Variants in ARAP2 observed in about 807,000 individuals in gnomAD.
ARAP2 encodes the protein ArfGAP with RhoGAP domain, ankyrin repeat and PH domain 2, also known as arf-GAP with Rho-GAP domain, ANK repeat and PH domain-containing protein 2.
In ARAP2, 148 loss-of-function variants were observed where a neutral mutation model predicts 194.5. The observed-to-expected ratio is 0.76, with a 90% CI of 0.67 to 0.87. The LOEUF is 0.87. Ranked by LOEUF, ARAP2 falls within the 40% of genes least tolerant of loss-of-function variation. ARAP2 has a pLI of 0.00. For synonymous variants in ARAP2, 695 were observed against 683.5 expected (o/e 1.02, Z -0.26); for missense variants, 2,128 against 1,989.7 (o/e 1.07, Z -1.32).
chr4:36,174,763 T>C (rs537525211), intron 9 of ARAP2, among the ~76,000 whole-genome samples: 26 of 152,272 alleles, frequency 1.7e-4, no homozygotes, highest in Non-Finnish European at 3.8e-4. Context: ...CATTTAAACC[T>C]GAAGAGACTA....
downstream of ARAP2, chr4:36,065,267 T>G: frequency 2.3e-6 from 1 of 432,210 alleles, no homozygotes; most frequent in Non-Finnish European, 4.8e-6. Flanking sequence ...CAGGCCTTGT[T>G]GAGGGCCAAC....
chr4:36,034,686 C>A (rs886511085), intron 5 of ARAP2, among the ~76,000 whole-genome samples: 1 of 151,938 alleles, frequency 6.6e-6, no homozygotes. Flanking sequence ...TCAAGGAGAA[C>A]GCTTGCAGCT....
chr4:36,210,548 C>T lies in ARAP2; in HGVS notation c.1329G>A (p.Leu443=). Residue 443 remains leucine (L), a synonymous_variant, in exon 6 of 33, where the codon TTG becomes TTA. Transcript: ENST00000303965. ...GATAACTGTGCCTATTAACGGAGTC[C>T]AAAATCAAGGCTTTTTGAGTCCTAG... is the stretch of plus-strand genomic sequence containing the variant. ...SKSRTQKALI[L]DSVNRHSYPL... 2 of 1,613,868 alleles carry T rather than the reference C, an allele frequency of 1.2e-6. No individual in the cohort carries two copies. Among genetic ancestry groups the T allele is most frequent in the African/African-American group, 1.3e-5 (1 of 75,008 alleles).
rs770023848 is a variant in ARAP2 at position 36,080,258 on chromosome 4, T to C, written c.4566A>G (p.Ser1522=). Residue 1522 remains serine (S), a synonymous_variant, in exon 31 of 33, where the codon TCA becomes TCG. Transcript: ENST00000303965. ...TGGTCATCCACTCCGTCTGAGTTCGTGAACTATCACAACACAGGTGCCTGC... is the reference window on the plus strand; with the variant it reads ...TGGTCATCCACTCCGTCTGAGTTCGCGAACTATCACAACACAGGTGCCTGC... The part of the protein sequence containing the change: ...KHHWHLCCDS[S]RTQTEWMTSI... 2 of 1,613,070 alleles carry C rather than the reference T, an allele frequency of 1.2e-6. No homozygotes were observed. Among genetic ancestry groups the C allele is most frequent in the Non-Finnish European group, 1.7e-6 (2 of 1,179,340 alleles).
intron 19 of ARAP2, among the ~76,000 whole-genome samples, chr4:36,135,500 T>C (rs1726481484): frequency 6.6e-6 from 1 of 151,762 alleles, no homozygotes; most frequent in Non-Finnish European, 1.5e-5. Flanking sequence ...ATTGTTTCTA[T>C]TTTCCACAAC....
At chr4:36,187,281 T>C (rs1258228896) in intron 8 of ARAP2, among the ~76,000 whole-genome samples, 170 bp downstream of exon 8, 1 of 152,242 alleles carries the variant, frequency 6.6e-6, no homozygotes, top group Non-Finnish European at 1.5e-5. Context: ...ACAAATAACT[T>C]GTCAACTTAT....
Position 36,092,005 on chromosome 4 carries a change from C to T in ARAP2, c.4301G>A (p.Gly1434Glu). ...TTTCAAGATTCCTTCTTTGATGCTT[C>T]CCAGTGTACTCCGGTCTGTAAAGTA... is the stretch of plus-strand genomic sequence containing the variant. Reference protein sequence around the residue: ...IKHCSDRSTLGSIKEGILKIK... With the variant: ...IKHCSDRSTLESIKEGILKIK... The change falls in exon 28 of 33, where the codon GGA (glycine) becomes GAA (glutamate). Residue 1434 changes from glycine (G) to glutamate (E), a missense_variant. Transcript: ENST00000303965. 1 of 1,600,510 alleles carries T rather than the reference C, an allele frequency of 6.2e-7. No homozygotes were observed. The highest frequency in any genetic ancestry group is 8.5e-7 in the Non-Finnish European group (1 of 1,169,884).
At chr4:36,168,634 G>T (rs1323867837) in intron 9 of ARAP2, among the ~76,000 whole-genome samples, 1 of 152,104 alleles carries the variant, frequency 6.6e-6, no homozygotes, top group Non-Finnish European at 1.5e-5. Flanking sequence ...AATATATAAA[G>T]TTTTTAGTTA....
Position 36,158,928 on chromosome 4 carries a change from T to C in ARAP2, c.2618-64A>G, listed in dbSNP as rs563867029. On this transcript the variant is annotated intron_variant, in intron 14 of 32. Coordinates refer to ENST00000303965, the MANE Select transcript of ARAP2 (RefSeq NM_015230.4). ...ATGTAAACAATTTTCCTTTTGTTTA[T>C]AATATGTACATGAGTTTTGAGCTAG... 2.2e-3 allele frequency: 3,205 copies of C among 1,458,260 alleles called. 9 individuals are homozygous for C. The highest frequency in any genetic ancestry group is 2.7e-3 in the Non-Finnish European group (2,905 of 1,078,498). 90.3% of individuals were successfully genotyped at this position (1,458,260 alleles called of 1,614,324 possible). A position where few individuals can be genotyped will look rare whatever the true frequency, so the allele number is the denominator to read the frequency against.
intron 28 of ARAP2, among the ~76,000 whole-genome samples, chr4:36,088,635 C>T (rs1180703296): frequency 6.6e-6 from 1 of 152,018 alleles, no homozygotes; most frequent in Non-Finnish European, 1.5e-5. Flanking sequence ...TTCCACTGTC[C>T]TTGAGGAAAG....
At chr4:36,122,145 A>G (rs957146067) in intron 22 of ARAP2, among the ~76,000 whole-genome samples, 2 of 151,954 alleles carry the variant, frequency 1.3e-5, no homozygotes, top group Non-Finnish European at 1.5e-5. Context: ...ATGGGGAAAA[A>G]TGAATGCTTT....
chr4:36,220,262 C>T lies in ARAP2; in HGVS notation c.906-5782G>A, dbSNP rs75435138. Among the ~76,000 whole-genome samples, 605 of 151,988 alleles carry T rather than the reference C, an allele frequency of 4.0e-3. 2 individuals carry two copies. The highest frequency in any genetic ancestry group is 0.014 in the African/African-American group (563 of 41,432). On this transcript the variant is annotated intron_variant, in intron 2 of 32. Coordinates refer to ENST00000303965, the MANE Select transcript of ARAP2 (RefSeq NM_015230.4). ...GTGTGTGTGTGTGTACAGTCATCCC[C>T]GGCACGTTTTGATCAATGACAGACT...
At chr4:36,099,123 G>A (rs372248127) in intron 27 of ARAP2, among the ~76,000 whole-genome samples, 7 of 150,860 alleles carry the variant, frequency 4.6e-5, no homozygotes, top group African/African-American at 7.3e-5. Flanking sequence ...CTCATCATTC[G>A]GCTCCCACTT....
chr4:36,160,419 A>T (rs767051225), intron 13 of ARAP2, 40 bp downstream of exon 13: 3 of 1,447,778 alleles, frequency 2.1e-6, no homozygotes, highest in Non-Finnish European at 2.7e-6. Context: ...CATTAAAAAG[A>T]CATTAAAATC....
At chr4:36,150,225 T>C (rs917272236) in intron 16 of ARAP2, among the ~76,000 whole-genome samples, 1 of 152,240 alleles carries the variant, frequency 6.6e-6, no homozygotes, top group African/African-American at 2.4e-5. Context: ...AATATTCTCC[T>C]TTCTTACCTG....
At chr4:36,094,033 G>T (rs961191513) in intron 27 of ARAP2, among the ~76,000 whole-genome samples, 1 of 152,038 alleles carries the variant, frequency 6.6e-6, no homozygotes, top group Non-Finnish European at 1.5e-5. Context: ...ATTATGATGG[G>T]TCTAATGGAC....
chr4:36,036,230 A>C (rs1283237984), intron 5 of ARAP2, among the ~76,000 whole-genome samples: 1 of 152,142 alleles, frequency 6.6e-6, no homozygotes, highest in East Asian at 1.9e-4. Context: ...TGATATTTAG[A>C]TTGGGATCCA....
intron 10 of ARAP2, among the ~76,000 whole-genome samples, chr4:36,166,194 T>C (rs1038415074): frequency 2.0e-5 from 3 of 152,150 alleles, no homozygotes; most frequent in South Asian, 2.1e-4. Context: ...TTCCTAATTG[T>C]TAGTCCTTTA....
intron 8 of ARAP2, among the ~76,000 whole-genome samples, chr4:36,015,164 T>G (rs1186149519): frequency 6.6e-6 from 1 of 152,252 alleles, no homozygotes; most frequent in African/African-American, 2.4e-5. Flanking sequence ...ATTTGGATAC[T>G]ATATTTATTT....
Sources: gnomAD v4.1 joint callset for allele counts (sites outside exome capture counted in the v4.1 genomes callset) on GRCh38, gnomAD v4.1.1 for gene constraint, MANE v1.5 for transcripts, NCBI Gene and HGNC (gene_info 2026-07-23, HGNC 2026-07-21) for gene names.